SLC2A1: variants seen among roughly 807,000 people sequenced by gnomAD.
SLC2A1 encodes solute carrier family 2, facilitated glucose transporter member 1.
SLC2A1 carries 4 observed loss-of-function variants against 46.6 expected under a neutral mutation model. The ratio of observed to expected loss-of-function variants is 0.09; its 90% CI spans 0.04 to 0.20. The LOEUF (loss-of-function observed/expected upper bound fraction) is 0.20. SLC2A1 is among the 10% of genes least tolerant of loss of function. The probability of loss-of-function intolerance (pLI) is 1.00; values close to 1 mark genes in which losing one functional copy is unlikely to be tolerated. For missense variants in SLC2A1, 352 were observed against 667.0 expected, an observed-to-expected ratio of 0.53 and a Z score of 5.20; for synonymous variants, 253 against 270.0, an observed-to-expected ratio of 0.94 and a Z score of 0.62.
rs752294533 is a variant in SLC2A1 at position 42,928,935 on chromosome 1, C to T, written c.1071G>A (p.Leu357=). The T allele has an allele frequency of 6.2e-7, 1 of 1,613,516 alleles. No individual in the cohort carries two copies. The highest frequency in any genetic ancestry group is 8.5e-7 in the Non-Finnish European group (1 of 1,179,576). The stretch of plus-strand genomic sequence containing the variant: ...TCTCCAGAACCTAGCAACTCACCAG[C>T]AGTGCTAGCGCGATGGTCATGAGTA... The part of the protein sequence containing the change: ...CAILMTIALA[L]LEQLPWMSYL... The change falls in exon 8 of 10, where the codon CTG becomes CTA. Residue 357 remains leucine (L), a synonymous_variant. Coordinates refer to ENST00000426263, the MANE Select transcript of SLC2A1 (RefSeq NM_006516.4).
chr1:42,932,120 GT>G (rs763225012), intron 2 of SLC2A1, among the ~76,000 whole-genome samples: 1 of 152,152 alleles, frequency 6.6e-6, no homozygotes, highest in Non-Finnish European at 1.5e-5. Flanking sequence ...GCTCCCTTGT[GT>G]CTGGCCTGCG....
In SLC2A1 at chr1:42,935,321, G is replaced by C. The variant is rs1318546504; in HGVS notation, c.115-4115C>G. ...CCTCACCCGGTGGCTCTCCTGGGGTGAGGGGGAGGCCTGCCCAAGCCTAAG... is the reference window on the plus strand; with the variant it reads ...CCTCACCCGGTGGCTCTCCTGGGGTCAGGGGGAGGCCTGCCCAAGCCTAAG... On this transcript the variant is annotated intron_variant, in intron 2 of 9. Transcript: ENST00000426263. Among the ~76,000 whole-genome samples, 3 of 152,176 alleles carry C rather than the reference G, an allele frequency of 2.0e-5. 1 individual carries two copies. Among genetic ancestry groups the C allele is most frequent in the African/African-American group, 7.2e-5 (3 of 41,422 alleles).
chr1:42,954,996 C>A lies in SLC2A1; in HGVS notation c.18+3638G>T, dbSNP rs1235605682. Among the ~76,000 whole-genome samples the A allele has an allele frequency of 6.6e-6, 1 of 152,210 alleles. No homozygotes were observed. The highest frequency in any genetic ancestry group is 1.9e-4 in the East Asian group (1 of 5,196). On this transcript the variant is annotated intron_variant, in intron 1 of 9. Transcript: ENST00000426263. This position sits in a 1 kb window ranked among gnomAD's most constrained non-coding sequence, Gnocchi z 4.2. ...CACTCTCACCCATGTGCCATGCCTA[C>A]TCACTTCCCAACAAGCCCCTACTAG...
intron 2 of SLC2A1, chr1:42,942,957 A>T: frequency 1.8e-6 from 1 of 545,418 alleles, no homozygotes; most frequent in East Asian, 3.2e-5. Context: ...TTATTAAATG[A>T]CTGAGTTGGG....
chr1:42,931,514 G>A (rs1377532964), intron 2 of SLC2A1, among the ~76,000 whole-genome samples: 1 of 152,084 alleles, frequency 6.6e-6, no homozygotes, highest in Non-Finnish European at 1.5e-5. Flanking sequence ...ATCAGTGGTG[G>A]AAGTTCAGGC....
chr1:42,956,819 C>T (rs548212124), intron 1 of SLC2A1, among the ~76,000 whole-genome samples: 1 of 152,308 alleles, frequency 6.6e-6, no homozygotes, highest in Non-Finnish European at 1.5e-5. Flanking sequence ...TGAAGAGAGA[C>T]AGTGGAGACA....
chr1:42,958,783 C>T lies in SLC2A1; in HGVS notation c.-132G>A, dbSNP rs2124478901. 3.2e-6 allele frequency: 3 copies of T among 951,766 alleles called. No homozygotes were observed. Among genetic ancestry groups the T allele is most frequent in the Admixed American group, 2.2e-5 (1 of 44,536 alleles). The allele number at this position is 951,766 out of a possible 1,614,324, so 59.0% of individuals were successfully genotyped here. On this transcript the variant is annotated 5_prime_UTR_variant, in exon 1 of 10. Coordinates refer to ENST00000426263, the MANE Select transcript of SLC2A1 (RefSeq NM_006516.4). ...CTGCGACTCTGACTCCGACCCCCGTCGTTTGGTCTCCTGCTCCCTGGCGTG... is the reference window on the plus strand; with the variant it reads ...CTGCGACTCTGACTCCGACCCCCGTTGTTTGGTCTCCTGCTCCCTGGCGTG...
At chr1:42,928,513 T>C (rs572902425) in intron 8 of SLC2A1, among the ~76,000 whole-genome samples, 1 of 152,176 alleles carries the variant, frequency 6.6e-6, no homozygotes, top group Non-Finnish European at 1.5e-5. Context: ...CCCCATAAAA[T>C]GGGAAGAACT....
intron 2 of SLC2A1, 33 bp downstream of exon 2, chr1:42,943,193 G>A (rs749128404): frequency 2.8e-5 from 39 of 1,402,492 alleles, no homozygotes; most frequent in Non-Finnish European, 3.8e-5. Flanking sequence ...GAGCAGGCTG[G>A]TGTCCATAAG....
intron 2 of SLC2A1, among the ~76,000 whole-genome samples, chr1:42,933,811 C>T (rs1299316363): frequency 6.6e-6 from 1 of 152,128 alleles, no homozygotes; most frequent in Non-Finnish European, 1.5e-5. Flanking sequence ...TCACTTTGCT[C>T]TCCTGAGCAA....
chr1:42,952,702 G>A, intron 1 of SLC2A1: 1 of 189,296 alleles, frequency 5.3e-6, no homozygotes, highest in Non-Finnish European at 1.1e-5. Context: ...GCTGAAGGCA[G>A]CCCCCACCTA....
In SLC2A1 at chr1:42,930,994, G is replaced by T; in HGVS notation, c.275+52C>A. 6.2e-7 allele frequency: 1 copy of T among 1,611,478 alleles called. No individual in the cohort carries two copies. Among genetic ancestry groups the T allele is most frequent in the Non-Finnish European group, 8.5e-7 (1 of 1,178,524 alleles). Reference sequence around the variant, plus strand: ...CTCCCACCCCATCTGGGACTCCCTGGGCAGGAGGGCATGGGCCCTCCAAGG... The same window carrying T: ...CTCCCACCCCATCTGGGACTCCCTGTGCAGGAGGGCATGGGCCCTCCAAGG... On this transcript the variant is annotated intron_variant, in intron 3 of 9. Coordinates refer to ENST00000426263, the MANE Select transcript of SLC2A1 (RefSeq NM_006516.4). The surrounding 1 kb of genome is among the most constrained non-coding windows in gnomAD (Gnocchi z 6.2).
Position 42,929,747 on chromosome 1 carries a change from G to T in SLC2A1, c.713C>A (p.Thr238Asn). The T allele has an allele frequency of 6.2e-7, 1 of 1,614,192 alleles. No individual in the cohort carries two copies. Among genetic ancestry groups the T allele is most frequent in the Non-Finnish European group, 8.5e-7 (1 of 1,180,040 alleles). Residue 238 changes from threonine (T) to asparagine (N), a missense_variant, in exon 6 of 10, where the codon ACC (threonine) becomes AAC (asparagine). Thr to Asn is a moderately conservative substitution (Grantham distance 65). Around this residue, in one of 5 missense-constraint regions of SLC2A1, gnomAD observed 167 missense variants for 280.8 expected, o/e 0.59. Transcript: ENST00000426263. The surrounding 1 kb of genome is among the most constrained non-coding windows in gnomAD (Gnocchi z 6.0). ...LKKLRGTADVTHDLQEMKEES... is the reference protein window; with the variant it reads ...LKKLRGTADVNHDLQEMKEES... ...TTCCTTCATCTCCTGCAGGTCATGG[G>T]TCACGTCAGCTGTCCCGCGCAGCTT...
chr1:42,943,586 G>A (rs1167052361), intron 1 of SLC2A1, among the ~76,000 whole-genome samples: 1 of 152,182 alleles, frequency 6.6e-6, no homozygotes, highest in Admixed American at 6.5e-5. Context: ...GTCTCAGAGA[G>A]GGAGAGGCTT....
At chr1:42,949,585 T>G (rs530398435) in intron 1 of SLC2A1, among the ~76,000 whole-genome samples, 1 of 152,332 alleles carries the variant, frequency 6.6e-6, no homozygotes, top group African/African-American at 2.4e-5. Context: ...CTTGCATGAC[T>G]GAACCTCCAG....
intron 1 of SLC2A1, among the ~76,000 whole-genome samples, chr1:42,950,578 A>G (rs1256250057): frequency 1.3e-5 from 2 of 152,200 alleles, no homozygotes; most frequent in South Asian, 2.1e-4. Flanking sequence ...TAATTCAACT[A>G]AGAGAACATT....
Position 42,930,215 on chromosome 1 carries a change from T to C in SLC2A1, c.517-180A>G. The C allele has an allele frequency of 1.4e-6, 1 of 711,840 alleles. No homozygotes were observed. The highest frequency in any genetic ancestry group is 1.7e-5 in the South Asian group (1 of 58,828). 44.1% of individuals were successfully genotyped at this position (711,840 alleles called of 1,614,324 possible). A position where few individuals can be genotyped will look rare whatever the true frequency, so the allele number is the denominator to read the frequency against. On this transcript the variant is annotated intron_variant, in intron 4 of 9. Transcript: ENST00000426263. The surrounding 1 kb of genome is among the most constrained non-coding windows in gnomAD (Gnocchi z 6.2). The stretch of plus-strand genomic sequence containing the variant: ...TTCCTCATCGGTCACATGGGAAAAG[T>C]AGGACCTACCCCACAGTGTTGCTGG...
At chr1:42,958,583 G>A (rs1271337106) in intron 1 of SLC2A1, 51 bp downstream of exon 1, 1 of 1,490,248 alleles carries the variant, frequency 6.7e-7, no homozygotes, top group East Asian at 2.7e-5. Flanking sequence ...AAGGCGGGCA[G>A]GAGTCTGCGC....
At chr1:42,928,335 G>C (rs899042997) in intron 8 of SLC2A1, among the ~76,000 whole-genome samples, 1 of 152,220 alleles carries the variant, frequency 6.6e-6, no homozygotes, top group Non-Finnish European at 1.5e-5. Flanking sequence ...TAAAATGACA[G>C]TCATGGTGCT....
Sources: allele counts gnomAD v4.1 joint callset (sites outside exome capture counted in the v4.1 genomes callset), GRCh38; gene constraint gnomAD v4.1.1; regional missense constraint gnomAD v4.1.1; non-coding constraint Gnocchi (gnomAD v3.1); transcripts MANE v1.5; gene names NCBI Gene and HGNC (gene_info 2026-07-23, HGNC 2026-07-21).